RPN1: variants seen among roughly 807,000 people sequenced by gnomAD.
The protein encoded by RPN1 is dolichyl-diphosphooligosaccharide--protein glycosyltransferase subunit 1.
Under a neutral mutation model 55.5 loss-of-function variants are expected in RPN1, and 12 were observed. The observed-to-expected ratio is 0.22, with a 90% CI of 0.14 to 0.35. The LOEUF (loss-of-function observed/expected upper bound fraction) is 0.35, where lower values mean the gene tolerates loss of function less well. Among genes scored for constraint, RPN1 ranks in the 10% least tolerant of loss-of-function variants. The pLI, the probability that RPN1 is intolerant of heterozygous loss-of-function variation, is 1.00. For missense variants in RPN1, 679 were observed against 761.3 expected, an observed-to-expected ratio of 0.89 and a Z score of 1.27; for synonymous variants, 317 against 305.9, an observed-to-expected ratio of 1.04 and a Z score of -0.38.
At chr3:128,637,715 C>T in intron 3 of RPN1, 84 bp downstream of exon 3, 1 of 1,417,658 alleles carries the variant, frequency 7.1e-7, no homozygotes, top group South Asian at 1.3e-5. Flanking sequence ...CCACCCCACA[C>T]CACCCAAGCC....
rs143864805 is a variant in RPN1, at chr3:128,622,170, G to A, written c.1635C>T (p.Cys545=). The change falls in exon 9 of 10, where the codon TGC becomes TGT. Residue 545 remains cysteine, a synonymous_variant. Coordinates refer to ENST00000296255, the MANE Select transcript of RPN1 (RefSeq NM_002950.4). ...SRLKTEGSDL[C]DRVSEMQKLD... is the part of the protein sequence containing the mutation. ...TGTGACGCCCGACACTTACTCTGTCGCACAGATCAGAGCCCTCTGTCTTCA... is the reference window on the plus strand; with the variant it reads ...TGTGACGCCCGACACTTACTCTGTCACACAGATCAGAGCCCTCTGTCTTCA... 6.9e-5 allele frequency: 112 copies of A among 1,613,880 alleles called. No homozygotes were observed. Among genetic ancestry groups the A allele is most frequent in the Admixed American group, 1.0e-4 (6 of 59,998 alleles).
chr3:128,627,792 T>C (rs544329906), intron 5 of RPN1, among the ~76,000 whole-genome samples: 13 of 142,840 alleles, frequency 9.1e-5, no homozygotes, highest in African/African-American at 2.6e-4. Flanking sequence ...AAAAAAAGAT[T>C]AAGTTATATA....
chr3:128,621,729 C>T (rs1181950656), intron 9 of RPN1, among the ~76,000 whole-genome samples: 1 of 152,228 alleles, frequency 6.6e-6, no homozygotes, highest in Non-Finnish European at 1.5e-5. Flanking sequence ...GGGCTAACAG[C>T]ATTCCCATTT....
chr3:128,621,793 ACT>A (rs377308272), intron 9 of RPN1, among the ~76,000 whole-genome samples: 50 of 152,296 alleles, frequency 3.3e-4, no homozygotes, highest in African/African-American at 1.1e-3. Flanking sequence ...AGGTTTACAA[ACT>A]CTGAATCAGA....
At chr3:128,641,436 CT>C (rs983672115) in intron 2 of RPN1, among the ~76,000 whole-genome samples, 18 of 152,106 alleles carry the variant, frequency 1.2e-4, no homozygotes, top group Non-Finnish European at 2.5e-4. Context: ...AAGAGCCACT[CT>C]GAAAGCCCAG....
At chr3:128,625,013 A>C (rs2069588670) in intron 8 of RPN1, among the ~76,000 whole-genome samples, 1 of 152,126 alleles carries the variant, frequency 6.6e-6, no homozygotes, top group African/African-American at 2.4e-5. Context: ...GAAATGGAGG[A>C]AGGAAGGAAG....
intron 5 of RPN1, among the ~76,000 whole-genome samples, chr3:128,628,553 T>A (rs1447004882): frequency 1.3e-5 from 2 of 149,816 alleles, no homozygotes; most frequent in Non-Finnish European, 3.0e-5. Context: ...TAGCTGAGAC[T>A]ACAGGTGTGA....
chr3:128,640,601 A>G (rs2069717731), intron 2 of RPN1, among the ~76,000 whole-genome samples: 1 of 152,170 alleles, frequency 6.6e-6, no homozygotes, highest in Non-Finnish European at 1.5e-5. Flanking sequence ...CCCACATGCA[A>G]TTCAACAAAA....
At chr3:128,648,025 G>A (rs1036740424) in intron 1 of RPN1, among the ~76,000 whole-genome samples, 2 of 152,156 alleles carry the variant, frequency 1.3e-5, no homozygotes, top group African/African-American at 2.4e-5. Flanking sequence ...TTGGGAGGCC[G>A]AGGCAGGTAG....
chr3:128,625,724 C>T, intron 7 of RPN1, 71 bp from the exon 8 acceptor site: 5 of 1,601,482 alleles, frequency 3.1e-6, no homozygotes, highest in Non-Finnish European at 4.3e-6. Flanking sequence ...CCCAGGCTGG[C>T]CCACTCGACC....
intron 4 of RPN1, among the ~76,000 whole-genome samples, chr3:128,631,617 G>A (rs1388856598): frequency 3.9e-5 from 6 of 151,928 alleles, no homozygotes; most frequent in East Asian, 3.9e-4. Context: ...TGGTGCATGC[G>A]TGTAATCCCA....
intron 5 of RPN1, among the ~76,000 whole-genome samples, chr3:128,628,921 G>A (rs979929204): frequency 3.3e-5 from 5 of 152,164 alleles, no homozygotes; most frequent in African/African-American, 1.2e-4. Flanking sequence ...GGCAGAGGTT[G>A]CAGTGAGTGA....
chr3:128,630,722 A>G lies in RPN1; in HGVS notation c.844-579T>C, dbSNP rs147951407. On this transcript the variant is annotated intron_variant, in intron 4 of 9. Transcript: ENST00000296255. ...TGATAAAATGTTTTTTAAAAACACT[A>G]CAAAAGAACAAAGAAATAGATCAAA... 2.6e-3 allele frequency among the ~76,000 whole-genome samples: 391 copies of G among 152,370 alleles called. 1 individual carries two copies. The highest frequency in any genetic ancestry group is 9.1e-3 in the African/African-American group (380 of 41,596).
At chr3:128,647,018 G>A (rs936268946) in intron 1 of RPN1, among the ~76,000 whole-genome samples, 3 of 151,882 alleles carry the variant, frequency 2.0e-5, no homozygotes, top group African/African-American at 7.3e-5. Context: ...CCCTTGGGGA[G>A]GAGCCAATGA....
rs547105040 is a variant in RPN1, at chr3:128,626,355, A to G, written c.1137-343T>C. ...CAGTGAATCCCTGGGAGGCTTGAAC[A>G]GATGCCTCACGAGCTGTTCTGAATG... On this transcript the variant is annotated intron_variant, in intron 6 of 9. Transcript: ENST00000296255. 7.9e-5 allele frequency among the ~76,000 whole-genome samples: 12 copies of G among 152,356 alleles called. No individual in the cohort carries two copies. In the South Asian group the frequency reaches 2.5e-3, roughly 32 times the overall value.
intron 5 of RPN1, 135 bp from the exon 6 acceptor site, chr3:128,626,967 C>T (rs1445629798): frequency 2.9e-6 from 2 of 701,256 alleles, no homozygotes; most frequent in Non-Finnish European, 4.9e-6. Context: ...ATGTTTACAA[C>T]AAAACCAGGC....
chr3:128,637,715 C>A, intron 3 of RPN1, 84 bp downstream of exon 3: 1 of 1,417,660 alleles, frequency 7.1e-7, no homozygotes, highest in Admixed American at 1.9e-5. Context: ...CCACCCCACA[C>A]CACCCAAGCC....
At chr3:128,641,931 TG>T (rs1423962362) in intron 2 of RPN1, among the ~76,000 whole-genome samples, 1 of 152,146 alleles carries the variant, frequency 6.6e-6, no homozygotes, top group African/African-American at 2.4e-5. Flanking sequence ...CTCTTAGCCA[TG>T]ATCATATCAG....
In RPN1 at chr3:128,637,818, T is replaced by G. The variant is rs549222889; in HGVS notation, c.614A>C (p.Asp205Ala). 6.8e-6 allele frequency: 11 copies of G among 1,612,378 alleles called. No individual in the cohort carries two copies. Among genetic ancestry groups the G allele is most frequent in the Admixed American group, 6.7e-5 (4 of 60,008 alleles). Reference sequence around the variant, plus strand: ...GCTTACCTGACTATAGGCAGGCACATCTCTGAAAGGCCCATAATCCAGTAG... The same window carrying G: ...GCTTACCTGACTATAGGCAGGCACAGCTCTGAAAGGCCCATAATCCAGTAG... ...EDLLDYGPFR[D>A]VPAYSQDTFK... The change falls in exon 3 of 10, where the codon GAT becomes GCT. Residue 205 changes from aspartate to alanine, a missense_variant. Physicochemically the swap from Asp to Ala is moderately radical, Grantham distance 126. Transcript: ENST00000296255.
Sources: gnomAD v4.1 joint callset for allele counts (sites outside exome capture counted in the v4.1 genomes callset) on GRCh38, gnomAD v4.1.1 for gene constraint, MANE v1.5 for transcripts, NCBI Gene and HGNC (gene_info 2026-07-23, HGNC 2026-07-21) for gene names.